RAPGEF4: variants seen among roughly 807,000 people sequenced by gnomAD.
RAPGEF4 encodes RAP guanine-nucleotide-exchange factor (GEF) 4.
A neutral mutation model predicts 147.9 loss-of-function variants in RAPGEF4; 66 were observed. That is an observed-to-expected ratio of 0.45 (90% CI 0.37 to 0.55). RAPGEF4 has a LOEUF of 0.55. Among genes scored for constraint, RAPGEF4 ranks in the 20% least tolerant of loss-of-function variants. The pLI, the probability that RAPGEF4 is intolerant of heterozygous loss-of-function variation, is 0.00. For missense variants in RAPGEF4, 1,071 were observed against 1,257.3 expected, an observed-to-expected ratio of 0.85 and a Z score of 2.24; for synonymous variants, 419 against 442.7, an observed-to-expected ratio of 0.95 and a Z score of 0.67.
chr2:172,814,818 G>A (rs1688349157), intron 4 of RAPGEF4: 1 of 280,038 alleles, frequency 3.6e-6, no homozygotes, highest in Middle Eastern at 1.3e-3. Context: ...AATGAATGGG[G>A]TTAACATCTG....
At chr2:172,892,442 C>T (rs1261429750) in intron 4 of RAPGEF4, among the ~76,000 whole-genome samples, 2 of 152,218 alleles carry the variant, frequency 1.3e-5, no homozygotes, top group Non-Finnish European at 2.9e-5. Flanking sequence ...CAACACCCCT[C>T]CCTAGTTATT....
At chr2:172,807,198 GT>G (rs894373520) in intron 3 of RAPGEF4, among the ~76,000 whole-genome samples, 4 of 152,188 alleles carry the variant, frequency 2.6e-5, no homozygotes, top group African/African-American at 4.8e-5. Flanking sequence ...CCTGCATTTA[GT>G]TTTTTTGCCG....
Position 172,902,518 on chromosome 2 carries a change from G to T in RAPGEF4, c.445-15284G>T, listed in dbSNP as rs543340821. Among the ~76,000 whole-genome samples the T allele has an allele frequency of 1.2e-3, 181 of 152,114 alleles. 1 individual carries two copies. Among genetic ancestry groups the T allele is most frequent in the Middle Eastern group, 6.8e-3 (2 of 292 alleles). ...GGCTTTCACCATGTTGGCCAGGCTG[G>T]TCTCGATGCCTGGATCTTTAAGCTT... On this transcript the variant is annotated intron_variant, in intron 4 of 30. Coordinates refer to ENST00000397081, the MANE Select transcript of RAPGEF4 (RefSeq NM_007023.4).
At chr2:172,859,340 A>G (rs1031299687) in intron 4 of RAPGEF4, among the ~76,000 whole-genome samples, 1 of 152,252 alleles carries the variant, frequency 6.6e-6, no homozygotes, top group Non-Finnish European at 1.5e-5. Context: ...TTTTCAAGAT[A>G]TTAAAAACTT....
intron 10 of RAPGEF4, among the ~76,000 whole-genome samples, chr2:172,975,416 A>T (rs1690967447): frequency 6.6e-6 from 1 of 152,196 alleles, no homozygotes; most frequent in African/African-American, 2.4e-5. Flanking sequence ...ATGATAATCC[A>T]CTATGTCCTG....
chr2:172,832,393 C>T (rs115248498), intron 4 of RAPGEF4, among the ~76,000 whole-genome samples: 334 of 152,074 alleles, frequency 2.2e-3, no homozygotes, highest in African/African-American at 7.2e-3. Context: ...GGGCCCAGTG[C>T]GAAATAAAAA....
chr2:172,793,974 A>G (rs532582675), intron 1 of RAPGEF4, among the ~76,000 whole-genome samples: 2 of 152,222 alleles, frequency 1.3e-5, no homozygotes, highest in Non-Finnish European at 2.9e-5. Context: ...CGCCAGTACA[A>G]AAAATTAGCT....
At chr2:172,857,269 A>G (rs536492179) in intron 4 of RAPGEF4, among the ~76,000 whole-genome samples, 6 of 152,308 alleles carry the variant, frequency 3.9e-5, no homozygotes, top group Admixed American at 2.6e-4. Flanking sequence ...ATTTGAAGAC[A>G]GGCAAATCCA....
At chr2:172,865,161 C>T (rs1253504089) in intron 4 of RAPGEF4, among the ~76,000 whole-genome samples, 1 of 152,184 alleles carries the variant, frequency 6.6e-6, no homozygotes, top group African/African-American at 2.4e-5. Flanking sequence ...CCGCCAACCT[C>T]ACTGGACCCC....
intron 1 of RAPGEF4, among the ~76,000 whole-genome samples, chr2:172,736,752 C>T (rs971355277): frequency 5.3e-5 from 8 of 152,222 alleles, no homozygotes; most frequent in African/African-American, 1.7e-4. Context: ...CAGGCTGTGA[C>T]AGCATAATTT....
chr2:172,763,879 T>G (rs1696579387), intron 1 of RAPGEF4, among the ~76,000 whole-genome samples: 1 of 151,428 alleles, frequency 6.6e-6, no homozygotes, highest in Non-Finnish European at 1.5e-5. Flanking sequence ...TCATATTTCC[T>G]TTTTTTGGTA....
chr2:172,821,737 TAAAAA>T lies in RAPGEF4; in HGVS notation c.444+7332_444+7336del, dbSNP rs35414922. 1,344 of 819,508 alleles carry T rather than the reference TAAAAA, an allele frequency of 1.6e-3. 10 individuals are homozygous for T. The African/African-American group carries it at 0.028, about 17-fold the overall frequency. The allele number at this position is 819,508 out of a possible 1,614,324, so 50.8% of individuals were successfully genotyped here. The stretch of plus-strand genomic sequence containing the variant: ...GAAGTTATTAGGAGCTAACTAAAGT[TAAAAA>T]AAAAAAAAAAAAAAAAAAAGGAAGT... On this transcript the variant is annotated intron_variant, in intron 4 of 30. Transcript: ENST00000397081.
chr2:172,829,434 G>A (rs1194478865), intron 4 of RAPGEF4, among the ~76,000 whole-genome samples: 2 of 152,176 alleles, frequency 1.3e-5, no homozygotes, highest in African/African-American at 2.4e-5. Context: ...TCCATGTGAG[G>A]CATCCCCGGT....
chr2:172,917,915 C>T (rs374560302), intron 5 of RAPGEF4, 41 bp downstream of exon 5: 56 of 1,555,616 alleles, frequency 3.6e-5, no homozygotes, highest in Admixed American at 6.7e-5. Context: ...AAAAATTTGT[C>T]GTGTGGTATG....
chr2:172,758,121 A>G (rs1015575077), intron 1 of RAPGEF4, among the ~76,000 whole-genome samples: 1 of 152,202 alleles, frequency 6.6e-6, no homozygotes, highest in Admixed American at 6.5e-5. Flanking sequence ...TCACTGGGAA[A>G]GTGATTTGAG....
At chr2:172,932,209 T>C (rs1686071192) in intron 6 of RAPGEF4, among the ~76,000 whole-genome samples, 1 of 152,196 alleles carries the variant, frequency 6.6e-6, no homozygotes, top group Admixed American at 6.5e-5. Flanking sequence ...GTTTGTAAGA[T>C]TCCTAGTACT....
At chr2:172,774,061 A>G (rs1683910365) in intron 1 of RAPGEF4, among the ~76,000 whole-genome samples, 1 of 152,210 alleles carries the variant, frequency 6.6e-6, no homozygotes, top group African/African-American at 2.4e-5. Flanking sequence ...CTCCAGAAAA[A>G]AGACTTACTG....
Position 172,752,201 on chromosome 2 carries a change from T to C in RAPGEF4, c.65+16153T>C, listed in dbSNP as rs538096652. Among the ~76,000 whole-genome samples the C allele has an allele frequency of 2.6e-5, 4 of 152,350 alleles. No homozygotes were observed. The South Asian group carries it at 6.2e-4, about 24-fold the overall frequency. ...TTTTGGTTTTCATATTTAACCAGTT[T>C]AGTTTCACTAGTGATGAATTTGTCT... On this transcript the variant is annotated intron_variant, in intron 1 of 30. Coordinates refer to ENST00000397081, the MANE Select transcript of RAPGEF4 (RefSeq NM_007023.4).
chr2:173,030,060 T>G, intron 25 of RAPGEF4, 104 bp from the exon 26 acceptor site: 4 of 737,726 alleles, frequency 5.4e-6, no homozygotes, highest in Non-Finnish European at 7.0e-6. Context: ...TTCTCATAAA[T>G]GAGCCCTGAC....
Sources: gnomAD v4.1 joint callset for allele counts (sites outside exome capture counted in the v4.1 genomes callset) on GRCh38, gnomAD v4.1.1 for gene constraint, MANE v1.5 for transcripts, NCBI Gene and HGNC (gene_info 2026-07-23, HGNC 2026-07-21) for gene names.